Variants in LRRC57 observed in about 807,000 individuals in gnomAD.
The protein encoded by LRRC57 is leucine rich repeat containing 57.
LRRC57 carries 14 observed loss-of-function variants against 23.1 expected under a neutral mutation model. The ratio of observed to expected loss-of-function variants is 0.61; its 90% CI spans 0.40 to 0.95. The LOEUF is 0.95. LRRC57 is among the 40% of genes least tolerant of loss of function. LRRC57 has a pLI of 0.00. For missense variants in LRRC57, 236 were observed against 284.4 expected, an observed-to-expected ratio of 0.83 and a Z score of 1.22; for synonymous variants, 106 against 115.2, an observed-to-expected ratio of 0.92 and a Z score of 0.51.
chr15:42,537,231 T>TCACACACACACACACACACACACACA (rs777117722), downstream of LRRC57, among the ~76,000 whole-genome samples: 1 of 132,082 alleles, frequency 7.6e-6, no homozygotes, highest in African/African-American at 3.6e-5. Flanking sequence ...TCTCTCTCTC[T>TCACACACACACACACACACACACACA]CTCACACACA....
downstream of LRRC57, among the ~76,000 whole-genome samples, chr15:42,536,052 T>A (rs116166688): frequency 1.4e-3 from 210 of 152,296 alleles, 2 homozygotes; most frequent in African/African-American, 4.8e-3. Flanking sequence ...CACTCCAGCA[T>A]GGGTGACAGA....
chr15:42,532,143 G>A, the LRRC57 span: 1 of 151,566 alleles, frequency 6.6e-6, no homozygotes, highest in African/African-American at 2.4e-5. Flanking sequence ...CCAGGCTGGA[G>A]TGCAATAGCG....
At chr15:42,544,191 T>C in intron 5 of LRRC57, 67 bp from the exon 6 acceptor site, 1 of 1,318,050 alleles carries the variant, frequency 7.6e-7, no homozygotes, top group South Asian at 1.3e-5. Context: ...GCCTAACTAT[T>C]TTTTTTTTCA....
At chr15:42,547,698 G>T in intron 3 of LRRC57, 169 bp from the exon 4 acceptor site, 1 of 654,596 alleles carries the variant, frequency 1.5e-6, no homozygotes, top group Non-Finnish European at 2.6e-6. Flanking sequence ...TCTTTAGAAG[G>T]TGAGGGTGCC....
At chr15:42,536,752 A>T (rs906270731), downstream of LRRC57, among the ~76,000 whole-genome samples, 2 of 152,202 alleles carry the variant, frequency 1.3e-5, no homozygotes, top group Non-Finnish European at 2.9e-5. Context: ...AAGGTAGTAA[A>T]TGGTTAACAC....
At chr15:42,534,621 A>G (rs1337242634), downstream of LRRC57, among the ~76,000 whole-genome samples, 1 of 152,162 alleles carries the variant, frequency 6.6e-6, no homozygotes, top group African/African-American at 2.4e-5. Flanking sequence ...CTATACCTTT[A>G]TGACATTTAT....
chr15:42,528,533 C>A, the LRRC57 span: 4 of 1,075,246 alleles, frequency 3.7e-6, no homozygotes, highest in Admixed American at 2.7e-5. Context: ...GTATTTATTC[C>A]ATTTTTAAAA....
Position 42,543,944 on chromosome 15 carries a change from T to C in LRRC57, c.*139A>G, listed in dbSNP as rs763878175. Reference sequence around the variant, plus strand: ...AGAGCCCTGAAATGAGAAAAGATCATTGAGTGAAATATAATCTCCTGAAGT... The same window carrying C: ...AGAGCCCTGAAATGAGAAAAGATCACTGAGTGAAATATAATCTCCTGAAGT... On this transcript the variant is annotated 3_prime_UTR_variant, in exon 6 of 6. Coordinates refer to ENST00000397130, the MANE Select transcript of LRRC57 (RefSeq NM_153260.3). 6.9e-5 allele frequency: 40 copies of C among 576,032 alleles called. No homozygotes were observed. The highest frequency in any genetic ancestry group is 2.2e-4 in the African/African-American group (12 of 54,442). 35.7% of individuals were successfully genotyped at this position (576,032 alleles called of 1,614,324 possible).
Position 42,545,276 on chromosome 15 carries a change from A to G in LRRC57, c.493-14T>C. 1.9e-6 allele frequency: 3 copies of G among 1,544,164 alleles called. No individual in the cohort carries two copies. The highest frequency in any genetic ancestry group is 2.6e-6 in the Non-Finnish European group (3 of 1,147,576). ...GATCTGAGATATCTATTGAAAAACCACAAAAGAATAACAGGAAAAAGCATA... is the reference window on the plus strand; with the variant it reads ...GATCTGAGATATCTATTGAAAAACCGCAAAAGAATAACAGGAAAAAGCATA... On this transcript the variant is annotated splice_polypyrimidine_tract_variant and intron_variant, in intron 4 of 5. Coordinates refer to ENST00000397130, the MANE Select transcript of LRRC57 (RefSeq NM_153260.3).
chr15:42,529,263 A>G, the LRRC57 span, among the ~76,000 whole-genome samples: 1 of 152,166 alleles, frequency 6.6e-6, no homozygotes, highest in Admixed American at 6.5e-5. Flanking sequence ...CCTCTCTCTT[A>G]GGGCAGTGCT....
chr15:42,547,590 A>C, intron 3 of LRRC57, 61 bp from the exon 4 acceptor site: 1 of 1,473,344 alleles, frequency 6.8e-7, no homozygotes, highest in Admixed American at 2.0e-5. Context: ...ACTTTGATGA[A>C]GTTTATAAAG....
At position 42,545,540 on chromosome 15, in the gene LRRC57, T is replaced by C. The variant is rs188048602; in HGVS notation, c.493-278A>G. ...TGATAAAAGCACTGTATGTTCATTA[T>C]AGAAAATTTGAGAATCACAGGTTTA... On this transcript the variant is annotated intron_variant, in intron 4 of 5. Coordinates refer to ENST00000397130, the MANE Select transcript of LRRC57 (RefSeq NM_153260.3). 4.0e-3 allele frequency: 866 copies of C among 217,018 alleles called. 3 individuals carry two copies. Among genetic ancestry groups the C allele is most frequent in the Middle Eastern group, 7.5e-3 (5 of 670 alleles). 13.4% of individuals were successfully genotyped at this position (217,018 alleles called of 1,614,324 possible). A position where few individuals can be genotyped will look rare whatever the true frequency, so the allele number is the denominator to read the frequency against.
intron 3 of LRRC57, 114 bp downstream of exon 3, chr15:42,547,992 C>A: frequency 9.5e-7 from 1 of 1,056,802 alleles, no homozygotes; most frequent in East Asian, 2.4e-5. Context: ...CCGGCATTCG[C>A]AACTTGAGCC....
At chr15:42,536,108 T>C (rs796681230), downstream of LRRC57, among the ~76,000 whole-genome samples, 2 of 152,306 alleles carry the variant, frequency 1.3e-5, no homozygotes, top group African/African-American at 4.8e-5. Context: ...TGGCATGGTT[T>C]GTGGCATCCC....
At chr15:42,535,180 T>C (rs2057594326), downstream of LRRC57, among the ~76,000 whole-genome samples, 1 of 152,254 alleles carries the variant, frequency 6.6e-6, no homozygotes, top group Non-Finnish European at 1.5e-5. Context: ...GATAACTTGC[T>C]GCAGCTTCTC....
At chr15:42,529,629 T>A in the LRRC57 span, 1 of 1,590,762 alleles carries the variant, frequency 6.3e-7, no homozygotes, top group Non-Finnish European at 8.5e-7. Flanking sequence ...CAGACTTTTA[T>A]TTAAATTCAA....
intron 5 of LRRC57, among the ~76,000 whole-genome samples, chr15:42,544,850 A>ATATATATATATG (rs1410766587): frequency 6.9e-6 from 1 of 144,750 alleles, no homozygotes; most frequent in African/African-American, 2.8e-5. Flanking sequence ...CACTATATAT[A>ATATATATATATG]TATATATATC....
the LRRC57 span, chr15:42,532,015 T>C: frequency 6.6e-6 from 1 of 152,230 alleles, no homozygotes; most frequent in Non-Finnish European, 1.5e-5. Flanking sequence ...GTTTTGGAGC[T>C]TTTATACACA....
rs1458514840 is a variant in LRRC57 at position 42,548,170 on chromosome 15, T to C, written c.159A>G (p.Leu53=). 9 of 1,614,106 alleles carry C rather than the reference T, an allele frequency of 5.6e-6. No homozygotes were observed. Among genetic ancestry groups the C allele is most frequent in the African/African-American group, 2.7e-5 (2 of 74,938 alleles). The part of the protein sequence containing the change: ...IDLSNNKIES[L]PPLLIGKFTL... The stretch of plus-strand genomic sequence containing the variant: ...TGAACTTTCCTATCAGCAAAGGCGG[T>C]AGGCTTTCGATCTTGTTGTTGGACA... Residue 53 remains leucine (L), a synonymous_variant, in exon 3 of 6, where the codon CTA becomes CTG. Transcript: ENST00000397130.
Sources: allele counts gnomAD v4.1 joint callset (sites outside exome capture counted in the v4.1 genomes callset), GRCh38; gene constraint gnomAD v4.1.1; transcripts MANE v1.5; gene names NCBI Gene and HGNC (gene_info 2026-07-23, HGNC 2026-07-21).